ULK4: variants seen among roughly 807,000 people sequenced by gnomAD.
ULK4 encodes inactive serine/threonine-protein kinase ULK4.
In ULK4, 133 loss-of-function variants were observed where a neutral mutation model predicts 160.6. That is an observed-to-expected ratio of 0.83 (90% CI 0.72 to 0.96). ULK4 has a LOEUF of 0.96. Ranked by LOEUF, ULK4 falls within the 40% of genes least tolerant of loss-of-function variation. The pLI, the probability that ULK4 is intolerant of heterozygous loss-of-function variation, is 0.00. For synonymous variants in ULK4, 534 were observed against 539.8 expected (o/e 0.99, Z 0.15); for missense variants, 1,580 against 1,499.5 (o/e 1.05, Z -0.89).
At chr3:41,738,789 C>G (rs908362236) in intron 22 of ULK4, among the ~76,000 whole-genome samples, 1 of 151,900 alleles carries the variant, frequency 6.6e-6, no homozygotes, top group Non-Finnish European at 1.5e-5. Flanking sequence ...AACATACCAC[C>G]TTTGAATGTG....
intron 21 of ULK4, among the ~76,000 whole-genome samples, chr3:41,764,607 G>C (rs1028406575): frequency 3.3e-5 from 5 of 152,148 alleles, no homozygotes; most frequent in Admixed American, 2.0e-4. Flanking sequence ...GTAGGACTTA[G>C]ACAAACAAAA....
intron 32 of ULK4, among the ~76,000 whole-genome samples, chr3:41,484,508 A>G (rs993783126): frequency 7.1e-6 from 1 of 139,876 alleles, no homozygotes; most frequent in Non-Finnish European, 1.5e-5. Context: ...GCTGGAGTGC[A>G]GTGGTGCAAT....
In ULK4 at chr3:41,409,605, TAGTC is replaced by T. The variant is rs1413967429; in HGVS notation, c.3493-11345_3493-11342del. Reference sequence around the variant, plus strand: ...TATTTCTCCAAAGAAGGTATGAAAATAGTCAATAAGAACAGGAAAAGATGCTAAA... The same window carrying T: ...TATTTCTCCAAAGAAGGTATGAAAATAATAAGAACAGGAAAAGATGCTAAA... On this transcript the variant is annotated intron_variant, in intron 34 of 36. Transcript: ENST00000301831. 7.9e-5 allele frequency among the ~76,000 whole-genome samples: 12 copies of T among 152,200 alleles called. No individual in the cohort carries two copies. The East Asian group carries it at 1.9e-3, about 24-fold the overall frequency.
chr3:41,895,458 G>A, intron 16 of ULK4, 60 bp downstream of exon 16: 3 of 920,778 alleles, frequency 3.3e-6, no homozygotes, highest in Admixed American at 3.6e-5. Flanking sequence ...ATAAATATGT[G>A]CTCTGTAACT....
chr3:41,253,625 C>A (rs184462540), intron 35 of ULK4, among the ~76,000 whole-genome samples: 8 of 151,960 alleles, frequency 5.3e-5, no homozygotes, highest in Non-Finnish European at 1.2e-4. Flanking sequence ...AAACACTGAA[C>A]CTAATCAGAA....
intron 35 of ULK4, among the ~76,000 whole-genome samples, chr3:41,375,099 G>C (rs1049971104): frequency 6.6e-6 from 1 of 152,078 alleles, no homozygotes; most frequent in Non-Finnish European, 1.5e-5. Flanking sequence ...CCTCTTCAAG[G>C]AGAACTACAA....
intron 32 of ULK4, among the ~76,000 whole-genome samples, chr3:41,546,862 GT>G (rs1284558066): frequency 8.7e-5 from 13 of 149,200 alleles, no homozygotes; most frequent in African/African-American, 2.7e-4. Context: ...TTCTGTCTAT[GT>G]TAAAAGATGT....
At chr3:41,749,600 G>A (rs2038546523) in intron 22 of ULK4, among the ~76,000 whole-genome samples, 1 of 152,216 alleles carries the variant, frequency 6.6e-6, no homozygotes, top group African/African-American at 2.4e-5. Context: ...TAGGTTAGAT[G>A]TATTAAATGC....
intron 29 of ULK4, among the ~76,000 whole-genome samples, chr3:41,667,517 G>A (rs551577209): frequency 6.0e-4 from 91 of 152,280 alleles, no homozygotes; most frequent in African/African-American, 2.0e-3. Flanking sequence ...TCCTTTGAAT[G>A]CAACTTAGCA....
intron 35 of ULK4, among the ~76,000 whole-genome samples, chr3:41,354,179 T>A (rs2080982678): frequency 6.6e-6 from 1 of 152,204 alleles, no homozygotes; most frequent in Non-Finnish European, 1.5e-5. Flanking sequence ...CAGTCCAGTG[T>A]GAGCCACGTA....
intron 22 of ULK4, among the ~76,000 whole-genome samples, chr3:41,732,626 C>T (rs1300139327): frequency 6.6e-6 from 1 of 151,916 alleles, no homozygotes; most frequent in Non-Finnish European, 1.5e-5. Context: ...GGTATTTATC[C>T]AAAGAAAAAT....
At chr3:41,516,529 A>C (rs1406227681) in intron 32 of ULK4, among the ~76,000 whole-genome samples, 1 of 152,162 alleles carries the variant, frequency 6.6e-6, no homozygotes, top group African/African-American at 2.4e-5. Flanking sequence ...AGTCATTTGC[A>C]ACAACATGGA....
intron 17 of ULK4, among the ~76,000 whole-genome samples, chr3:41,857,588 C>T (rs2042391529): frequency 6.6e-6 from 1 of 152,120 alleles, no homozygotes; most frequent in Non-Finnish European, 1.5e-5. Flanking sequence ...GTGAAGCCAT[C>T]AGGTTCCTGG....
intron 32 of ULK4, among the ~76,000 whole-genome samples, chr3:41,466,411 G>GA (rs1011384380): frequency 7.2e-5 from 11 of 152,152 alleles, no homozygotes; most frequent in Middle Eastern, 3.4e-3. Context: ...GAACTCTTCA[G>GA]AAAAAAATCC....
chr3:41,303,074 C>A (rs1230774544), intron 35 of ULK4, among the ~76,000 whole-genome samples: 1 of 152,034 alleles, frequency 6.6e-6, no homozygotes, highest in Admixed American at 6.6e-5. Context: ...GTCAAGCATT[C>A]GAATATAAAT....
chr3:41,575,430 C>T (rs2088155276), intron 31 of ULK4, among the ~76,000 whole-genome samples: 1 of 152,076 alleles, frequency 6.6e-6, no homozygotes, highest in African/African-American at 2.4e-5. Context: ...AGAGGGAGAA[C>T]ATTGAAGCAT....
intron 31 of ULK4, among the ~76,000 whole-genome samples, chr3:41,601,081 A>G (rs575637887): frequency 5.9e-5 from 9 of 152,372 alleles, no homozygotes; most frequent in Middle Eastern, 3.4e-3. Flanking sequence ...GAACTGATAA[A>G]TATTCAAGAG....
chr3:41,622,178 T>G (rs867267795), intron 30 of ULK4, among the ~76,000 whole-genome samples: 17 of 152,294 alleles, frequency 1.1e-4, no homozygotes, highest in Middle Eastern at 3.4e-3. Flanking sequence ...GTAAATTACT[T>G]CAACCATTGA....
intron 35 of ULK4, among the ~76,000 whole-genome samples, chr3:41,359,230 C>T (rs1012498126): frequency 2.0e-5 from 3 of 152,078 alleles, no homozygotes; most frequent in South Asian, 2.1e-4. Context: ...GCCAAGTGGG[C>T]GAAGATGTGG....
Sources: gnomAD v4.1 joint callset for allele counts (sites outside exome capture counted in the v4.1 genomes callset) on GRCh38, gnomAD v4.1.1 for gene constraint, MANE v1.5 for transcripts, NCBI Gene and HGNC (gene_info 2026-07-23, HGNC 2026-07-21) for gene names.